CUX1: variants seen among roughly 807,000 people sequenced by gnomAD.
CUX1 encodes the protein protein CASP.
A neutral mutation model predicts 158.8 loss-of-function variants in CUX1; 31 were observed. That is an observed-to-expected ratio of 0.20 (90% CI 0.15 to 0.26). The LOEUF (loss-of-function observed/expected upper bound fraction) is 0.26. Ranked by LOEUF, CUX1 falls within the 10% of genes least tolerant of loss-of-function variation. The pLI, the probability that CUX1 is intolerant of heterozygous loss-of-function variation, is 1.00. For missense variants in CUX1, 1,589 were observed against 2,014.6 expected (o/e 0.79, Z 4.04); for synonymous variants, 879 against 862.1 (o/e 1.02, Z -0.34).
intron 3 of CUX1, among the ~76,000 whole-genome samples, chr7:102,040,182 G>T (rs562901865): frequency 1.3e-5 from 2 of 152,282 alleles, no homozygotes; most frequent in South Asian, 2.1e-4. Context: ...GTTAGATGGC[G>T]CCAGGCACTG....
At chr7:102,119,905 T>C (rs1831855732) in intron 8 of CUX1, among the ~76,000 whole-genome samples, 1 of 152,188 alleles carries the variant, frequency 6.6e-6, no homozygotes, top group Non-Finnish European at 1.5e-5. Flanking sequence ...TGTGTACGGA[T>C]CTTCCCGCTT....
At chr7:102,002,602 G>A (rs1463051383) in intron 2 of CUX1, among the ~76,000 whole-genome samples, 1 of 152,230 alleles carries the variant, frequency 6.6e-6, no homozygotes, top group Non-Finnish European at 1.5e-5. Context: ...GGGCCTTGCT[G>A]TTGGACCACA....
intron 2 of CUX1, among the ~76,000 whole-genome samples, chr7:101,965,355 G>T (rs1811048447): frequency 6.6e-6 from 1 of 152,118 alleles, no homozygotes; most frequent in African/African-American, 2.4e-5. Flanking sequence ...GCCACAAAGA[G>T]GTTCCCAGGT....
At chr7:101,953,472 C>T (rs184969132) in intron 2 of CUX1, among the ~76,000 whole-genome samples, 28 of 152,242 alleles carry the variant, frequency 1.8e-4, no homozygotes, top group Middle Eastern at 3.4e-3. Context: ...ATTTACCTTG[C>T]CCCTTTTTAA....
At chr7:102,175,543 A>G (rs1333006749) in intron 10 of CUX1, among the ~76,000 whole-genome samples, 2 of 151,004 alleles carry the variant, frequency 1.3e-5, no homozygotes, top group Non-Finnish European at 3.0e-5. Context: ...GGCAGCTGTC[A>G]CTCCTCCAGC....
At chr7:102,202,888 T>C (rs1795593106) in intron 18 of CUX1, among the ~76,000 whole-genome samples, 2 of 152,198 alleles carry the variant, frequency 1.3e-5, no homozygotes, top group South Asian at 4.1e-4. Context: ...CTTGGCACTT[T>C]CCTGGTCACT....
intron 1 of CUX1, among the ~76,000 whole-genome samples, chr7:101,827,286 TTCTC>T (rs1793433213): frequency 1.3e-4 from 20 of 150,692 alleles, no homozygotes; most frequent in Admixed American, 1.1e-3. Context: ...TTCTCTTCTC[TTCTC>T]TTCTTTTCTT....
At chr7:102,040,479 C>T (rs1452714893) in intron 3 of CUX1, among the ~76,000 whole-genome samples, 2 of 152,134 alleles carry the variant, frequency 1.3e-5, no homozygotes, top group African/African-American at 4.8e-5. Flanking sequence ...TTTGTAGGGA[C>T]CCTTTGGTCT....
At chr7:101,874,021 T>C (rs1392058544) in intron 1 of CUX1, among the ~76,000 whole-genome samples, 2 of 152,248 alleles carry the variant, frequency 1.3e-5, no homozygotes, top group Non-Finnish European at 2.9e-5. Context: ...CCTTGCCTCA[T>C]GTAGTCTTAG....
intron 6 of CUX1, among the ~76,000 whole-genome samples, chr7:102,106,654 T>G (rs1830391315): frequency 6.6e-6 from 1 of 152,180 alleles, no homozygotes. Flanking sequence ...CCTCTTAATC[T>G]GAGTACAGAT....
intron 5 of CUX1, among the ~76,000 whole-genome samples, chr7:102,104,095 C>T (rs1276488560): frequency 6.6e-6 from 1 of 151,910 alleles, no homozygotes; most frequent in Non-Finnish European, 1.5e-5. Context: ...ACTACAGAAA[C>T]CAAAGCTCTT....
At chr7:102,240,063 T>C (rs782033466) in intron 23 of CUX1, among the ~76,000 whole-genome samples, 1 of 152,000 alleles carries the variant, frequency 6.6e-6, no homozygotes, top group Non-Finnish European at 1.5e-5. Context: ...TTAGGTGTTA[T>C]TGGAGGTTTT....
chr7:102,154,197 A>G (rs988844389), intron 8 of CUX1: 1 of 152,210 alleles, frequency 6.6e-6, no homozygotes, highest in Admixed American at 6.5e-5. Context: ...GAAAATAAAG[A>G]TGAAGATATT....
At chr7:102,032,036 C>A (rs1033170731) in intron 3 of CUX1, among the ~76,000 whole-genome samples, 3 of 151,808 alleles carry the variant, frequency 2.0e-5, no homozygotes, top group African/African-American at 7.3e-5. Flanking sequence ...AGCGATTTGC[C>A]CACCTCAGCC....
chr7:102,085,939 T>C (rs1355942986), intron 4 of CUX1, among the ~76,000 whole-genome samples: 1 of 152,200 alleles, frequency 6.6e-6, no homozygotes, highest in Non-Finnish European at 1.5e-5. Context: ...AATTAACTTC[T>C]TTAACAGATG....
At chr7:101,848,214 C>G (rs1013493971) in intron 1 of CUX1, among the ~76,000 whole-genome samples, 2 of 152,060 alleles carry the variant, frequency 1.3e-5, no homozygotes, top group African/African-American at 2.4e-5. Flanking sequence ...TGTTTTATTT[C>G]TTTTATGCTT....
At chr7:101,918,697 G>C (rs182890831) in intron 2 of CUX1, among the ~76,000 whole-genome samples, 1 of 152,242 alleles carries the variant, frequency 6.6e-6, no homozygotes, top group African/African-American at 2.4e-5. Context: ...TCTGTGGGGC[G>C]CCCACGCGGA....
At chr7:101,853,930 C>T (rs1267236979) in intron 1 of CUX1, among the ~76,000 whole-genome samples, 4 of 152,218 alleles carry the variant, frequency 2.6e-5, no homozygotes, top group East Asian at 1.9e-4. Flanking sequence ...ATTTTGCACA[C>T]CTGCCCGGCC....
chr7:101,823,986 A>C (rs2130940103), intron 1 of CUX1, among the ~76,000 whole-genome samples: 1 of 152,356 alleles, frequency 6.6e-6, no homozygotes, highest in South Asian at 2.1e-4. Context: ...CCCCAAAAGC[A>C]AGACAATTTT....
Sources: allele counts gnomAD v4.1 joint callset (sites outside exome capture counted in the v4.1 genomes callset), GRCh38; gene constraint gnomAD v4.1.1; transcripts MANE v1.5; gene names NCBI Gene and HGNC (gene_info 2026-07-23, HGNC 2026-07-21).